The following RGS7 variants were observed in gnomAD, a reference collection of about 807,000 sequenced individuals.
The protein encoded by RGS7 is regulator of G protein signaling 7.
A neutral mutation model predicts 81.1 loss-of-function variants in RGS7; 27 were observed. The ratio of observed to expected loss-of-function variants is 0.33; its 90% CI spans 0.25 to 0.46. RGS7 has a LOEUF of 0.46. RGS7 is among the 20% of genes least tolerant of loss of function. The pLI is 1.00. For synonymous variants in RGS7, 208 were observed against 207.7 expected, an observed-to-expected ratio of 1.00 and a Z score of -0.01; for missense variants, 396 against 607.4, an observed-to-expected ratio of 0.65 and a Z score of 3.66.
chr1:240,977,543 A>G (rs865837006), intron 4 of RGS7, among the ~76,000 whole-genome samples: 1 of 152,238 alleles, frequency 6.6e-6, no homozygotes, highest in South Asian at 2.1e-4. Flanking sequence ...GCCACAAACA[A>G]ATAATTGACA....
At chr1:241,281,184 C>T (rs561685479) in intron 2 of RGS7, among the ~76,000 whole-genome samples, 2 of 152,270 alleles carry the variant, frequency 1.3e-5, no homozygotes, top group South Asian at 4.1e-4. Flanking sequence ...AATTTGCCCA[C>T]ACAAACACTT....
chr1:241,335,836 T>G (rs538897488), intron 2 of RGS7, among the ~76,000 whole-genome samples: 2 of 152,198 alleles, frequency 1.3e-5, no homozygotes, highest in Non-Finnish European at 2.9e-5. Context: ...TTTCAATTTT[T>G]CAACATCAAT....
intron 2 of RGS7, among the ~76,000 whole-genome samples, chr1:241,221,227 G>A (rs1326047821): frequency 6.6e-6 from 1 of 152,122 alleles, no homozygotes; most frequent in African/African-American, 2.4e-5. Context: ...ATGAATCTAA[G>A]CTAAAAAATT....
At chr1:240,824,569 GT>G (rs1558310612) in intron 10 of RGS7, among the ~76,000 whole-genome samples, 6 of 152,252 alleles carry the variant, frequency 3.9e-5, no homozygotes, top group African/African-American at 1.4e-4. Flanking sequence ...ATACAGAGCT[GT>G]GGACCCCTCA....
At chr1:241,154,630 T>G (rs538741042) in intron 2 of RGS7, among the ~76,000 whole-genome samples, 38 of 152,306 alleles carry the variant, frequency 2.5e-4, no homozygotes, top group East Asian at 9.6e-4. Context: ...CAGAGGTCAT[T>G]AAAATATTGC....
intron 9 of RGS7, among the ~76,000 whole-genome samples, chr1:240,852,527 T>G (rs1409980660): frequency 2.0e-5 from 3 of 152,188 alleles, no homozygotes; most frequent in African/African-American, 7.2e-5. Flanking sequence ...TTGTTGTGAT[T>G]ATTATATGGT....
intron 2 of RGS7, among the ~76,000 whole-genome samples, chr1:241,157,857 T>C (rs1024914564): frequency 6.8e-6 from 1 of 146,860 alleles, no homozygotes; most frequent in Non-Finnish European, 1.5e-5. Flanking sequence ...CTCGCTCTGT[T>C]GCCCAGGCTG....
Position 241,146,128 on chromosome 1 carries a change from C to A in RGS7, c.79-47366G>T, listed in dbSNP as rs557931065. On this transcript the variant is annotated intron_variant, in intron 2 of 18. Coordinates refer to ENST00000440928, the MANE Select transcript of RGS7 (RefSeq NM_001364886.1). ...GAAGGAAAAGCAAACACAGTCAGCC[C>A]TCCCTCCACACTGGCATCCATGCAT... 4.1e-4 allele frequency among the ~76,000 whole-genome samples: 62 copies of A among 152,222 alleles called. 1 individual carries two copies. In the South Asian group the frequency reaches 0.012, roughly 31 times the overall value.
At chr1:240,968,995 C>T (rs780174703) in intron 4 of RGS7, among the ~76,000 whole-genome samples, 10 of 152,118 alleles carry the variant, frequency 6.6e-5, no homozygotes, top group African/African-American at 1.2e-4. Flanking sequence ...AGGGACCTGA[C>T]TTTTCAGACA....
intron 2 of RGS7, among the ~76,000 whole-genome samples, chr1:241,273,467 C>T (rs1262721637): frequency 6.6e-6 from 1 of 151,530 alleles, no homozygotes; most frequent in Non-Finnish European, 1.5e-5. Context: ...AGATGGAGTT[C>T]TCAGGGAATT....
chr1:241,212,078 T>C (rs913497686), intron 2 of RGS7, among the ~76,000 whole-genome samples: 2 of 151,488 alleles, frequency 1.3e-5, no homozygotes, highest in African/African-American at 4.8e-5. Context: ...TTATTATACA[T>C]GTAATAATTG....
At chr1:241,031,693 T>C (rs1219103292) in intron 3 of RGS7, among the ~76,000 whole-genome samples, 1 of 152,348 alleles carries the variant, frequency 6.6e-6, no homozygotes, top group East Asian at 1.9e-4. Flanking sequence ...TGATATCTTA[T>C]TGTGGTTTTC....
At chr1:241,053,994 CA>C (rs1245652038) in intron 3 of RGS7, among the ~76,000 whole-genome samples, 1 of 152,156 alleles carries the variant, frequency 6.6e-6, no homozygotes, top group Non-Finnish European at 1.5e-5. Context: ...ACGTCTTTAT[CA>C]GCAGTGTAAG....
intron 17 of RGS7, among the ~76,000 whole-genome samples, chr1:240,801,053 C>CTCTCT (rs1330408308): frequency 6.6e-6 from 1 of 151,930 alleles, no homozygotes; most frequent in Non-Finnish European, 1.5e-5. Flanking sequence ...AGAAGTAAAA[C>CTCTCT]GCATAGAACC....
intron 2 of RGS7, among the ~76,000 whole-genome samples, chr1:241,212,636 G>C (rs1192706885): frequency 1.3e-5 from 2 of 152,082 alleles, no homozygotes; most frequent in Admixed American, 6.6e-5. Context: ...AGAATCTCAG[G>C]GACCTTGGAT....
chr1:240,859,373 G>A (rs1572453445), intron 9 of RGS7, among the ~76,000 whole-genome samples: 1 of 150,466 alleles, frequency 6.6e-6, no homozygotes. Context: ...AATATATATA[G>A]GCCCATATAT....
chr1:241,015,934 C>T (rs1480308656), intron 3 of RGS7, among the ~76,000 whole-genome samples: 1 of 152,178 alleles, frequency 6.6e-6, no homozygotes, highest in Non-Finnish European at 1.5e-5. Context: ...CAGAACTGCA[C>T]TACATTAAGA....
At chr1:241,304,765 AG>A (rs1482927570) in intron 2 of RGS7, among the ~76,000 whole-genome samples, 2 of 152,240 alleles carry the variant, frequency 1.3e-5, no homozygotes, top group Non-Finnish European at 2.9e-5. Flanking sequence ...TTAAAAATAA[AG>A]AAAAAGTAAA....
downstream of RGS7, among the ~76,000 whole-genome samples, chr1:240,775,174 T>C (rs75413214): frequency 3.6e-3 from 551 of 152,326 alleles, 3 homozygotes; most frequent in Non-Finnish European, 6.2e-3. Flanking sequence ...GTACCTGATT[T>C]AATAAGTCAC....
Sources: gnomAD v4.1 joint callset for allele counts (sites outside exome capture counted in the v4.1 genomes callset) on GRCh38, gnomAD v4.1.1 for gene constraint, MANE v1.5 for transcripts, NCBI Gene and HGNC (gene_info 2026-07-23, HGNC 2026-07-21) for gene names.